The following COL16A1 variants were observed in gnomAD, a reference collection of about 807,000 sequenced individuals.
COL16A1 encodes the protein collagen type XVI alpha 1 chain.
In COL16A1, 189 loss-of-function variants were observed where a neutral mutation model predicts 266.3. That is an observed-to-expected ratio of 0.71 (90% confidence interval 0.63 to 0.80). The LOEUF is 0.80. COL16A1 is among the 30% of genes least tolerant of loss of function. The pLI is 0.00. For synonymous variants in COL16A1, 740 were observed against 782.3 expected, an observed-to-expected ratio of 0.95 and a Z score of 0.90; for missense variants, 1,928 against 2,122.4, an observed-to-expected ratio of 0.91 and a Z score of 1.80.
Position 31,656,396 on chromosome 1 carries a change from T to A in COL16A1, c.4101+4A>T. 6.2e-7 allele frequency: 1 copy of A among 1,613,404 alleles called. No homozygotes were observed. The highest frequency in any genetic ancestry group is 1.3e-5 in the African/African-American group (1 of 75,014). ...CCTCTCAAGCCCAGCCAGTGCCCACTCACCTTGGGACCAGGAGGTCCATAG... is the reference window on the plus strand; with the variant it reads ...CCTCTCAAGCCCAGCCAGTGCCCACACACCTTGGGACCAGGAGGTCCATAG... On this transcript the variant is annotated splice_donor_region_variant and intron_variant, in intron 66 of 70. Transcript: ENST00000373672. This position sits in a 1 kb window ranked among gnomAD's most constrained non-coding sequence, Gnocchi z 4.2.
chr1:31,673,752 G>A (rs888664656), intron 44 of COL16A1, among the ~76,000 whole-genome samples: 6 of 152,262 alleles, frequency 3.9e-5, no homozygotes, highest in Non-Finnish European at 7.3e-5. Context: ...CTGGATTGGC[G>A]TGGGCCTGTC....
intron 55 of COL16A1, 152 bp from the exon 56 acceptor site, chr1:31,665,386 G>A (rs1204679316): frequency 2.8e-6 from 4 of 1,408,724 alleles, no homozygotes; most frequent in Non-Finnish European, 2.9e-6. Flanking sequence ...TGCCTGGCCT[G>A]CTGGGCTGGG....
At chr1:31,694,054 T>C (rs951395502) in intron 12 of COL16A1, 90 bp downstream of exon 12, 4 of 1,282,446 alleles carry the variant, frequency 3.1e-6, no homozygotes, top group Admixed American at 1.9e-5. Context: ...GTGGCCCTGA[T>C]AGAAACACAC....
chr1:31,661,579 A>G lies in COL16A1; in HGVS notation c.3726+81T>C. ...AAAGTCATAACACGGTCCACGGAGGATCTGGATTTGAGCTGTTGCAGCCAC... is the reference window on the plus strand; with the variant it reads ...AAAGTCATAACACGGTCCACGGAGGGTCTGGATTTGAGCTGTTGCAGCCAC... On this transcript the variant is annotated intron_variant, in intron 59 of 70. Coordinates refer to ENST00000373672, the MANE Select transcript of COL16A1 (RefSeq NM_001856.4). 3.1e-6 allele frequency: 5 copies of G among 1,611,948 alleles called. 1 individual carries two copies. The South Asian group carries it at 5.5e-5, about 18-fold the overall frequency.
chr1:31,670,341 A>C lies in COL16A1; in HGVS notation c.3195+261T>G. The C allele has an allele frequency of 2.5e-6, 1 of 403,832 alleles. No homozygotes were observed. The highest frequency in any genetic ancestry group is 2.1e-5 in the African/African-American group (1 of 48,466). 25.0% of individuals were successfully genotyped at this position (403,832 alleles called of 1,614,324 possible). On this transcript the variant is annotated intron_variant, in intron 49 of 70. Coordinates refer to ENST00000373672, the MANE Select transcript of COL16A1 (RefSeq NM_001856.4). This position sits in a 1 kb window ranked among gnomAD's most constrained non-coding sequence, Gnocchi z 4.5. ...AGATGGTGCGAGAAATGGAGAAGGA[A>C]GACAGAACGGGGTAAGAGAGAGAAG...
At chr1:31,702,470 A>G (rs781781747) in intron 1 of COL16A1, among the ~76,000 whole-genome samples, 4 of 152,240 alleles carry the variant, frequency 2.6e-5, no homozygotes, top group Admixed American at 2.0e-4. Context: ...GGCAAAGCAG[A>G]AAGCTGCCTA....
In COL16A1 at chr1:31,699,799, A is replaced by G. The variant is rs1168121035; in HGVS notation, c.266+14T>C. On this transcript the variant is annotated intron_variant, in intron 4 of 70. Coordinates refer to ENST00000373672, the MANE Select transcript of COL16A1 (RefSeq NM_001856.4). ...GTCAGTGTTGATTCTCAGTGGTCACATGGATGCATTTACCGCGTGGGCTGG... is the reference window on the plus strand; with the variant it reads ...GTCAGTGTTGATTCTCAGTGGTCACGTGGATGCATTTACCGCGTGGGCTGG... 3 of 1,499,054 alleles carry G rather than the reference A, an allele frequency of 2.0e-6. No individual in the cohort carries two copies. The highest frequency in any genetic ancestry group is 3.4e-5 in the Admixed American group (2 of 59,664). The allele number at this position is 1,499,054 out of a possible 1,614,324, so 92.9% of individuals were successfully genotyped here.
At chr1:31,666,417 C>G (rs1453013299) in intron 52 of COL16A1, 7 of 329,354 alleles carry the variant, frequency 2.1e-5, no homozygotes, top group Non-Finnish European at 3.3e-5. Context: ...CACTTTCCAC[C>G]AACGCTGGTC....
chr1:31,703,186 T>C (rs997752592), intron 1 of COL16A1, among the ~76,000 whole-genome samples: 11 of 152,198 alleles, frequency 7.2e-5, no homozygotes, highest in African/African-American at 2.4e-4. Context: ...TATACCCACA[T>C]GCGCACAGCC....
Position 31,698,911 on chromosome 1 carries a change from T to C in COL16A1, c.267-305A>G, listed in dbSNP as rs1478202312. Among the ~76,000 whole-genome samples the C allele has an allele frequency of 6.6e-6, 1 of 152,026 alleles. No individual in the cohort carries two copies. The highest frequency in any genetic ancestry group is 1.9e-4 in the East Asian group (1 of 5,178). On this transcript the variant is annotated intron_variant, in intron 4 of 70. Coordinates refer to ENST00000373672, the MANE Select transcript of COL16A1 (RefSeq NM_001856.4). The surrounding 1 kb of genome is among the most constrained non-coding windows in gnomAD (Gnocchi z 4.1). ...GAGTTGGAGACCAGCCTGGGCAGCA[T>C]GGTGAAACACCGTCTCTACTAAAAA...
At chr1:31,676,433 CCT>C (rs1415232049) in intron 42 of COL16A1, among the ~76,000 whole-genome samples, 1 of 152,160 alleles carries the variant, frequency 6.6e-6, no homozygotes, top group Admixed American at 6.5e-5. Flanking sequence ...GCTTCTAACC[CCT>C]CTCTTAACCA....
Position 31,657,064 on chromosome 1 carries a change from T to G in COL16A1, c.4025A>C (p.Glu1342Ala), listed in dbSNP as rs1438346941. Residue 1342 changes from glutamate (E) to alanine (A), a missense_variant, in exon 65 of 71, where the codon GAA becomes GCA. Around this residue, in one of 2 missense-constraint regions of COL16A1, gnomAD observed 376 missense variants for 485.2 expected, o/e 0.77. Coordinates refer to ENST00000373672, the MANE Select transcript of COL16A1 (RefSeq NM_001856.4). This position sits in a 1 kb window ranked among gnomAD's most constrained non-coding sequence, Gnocchi z 6.4. ...GPPGHPGPPG[E>A]PGTDGAAGKE... ...GCCAGCTGCACCATCCGTACCAGGTTCGCCCTGGGGAGTAGAGAGCAATGG... is the reference window on the plus strand; with the variant it reads ...GCCAGCTGCACCATCCGTACCAGGTGCGCCCTGGGGAGTAGAGAGCAATGG... 1.2e-6 allele frequency: 2 copies of G among 1,613,922 alleles called. No individual in the cohort carries two copies. Among genetic ancestry groups the G allele is most frequent in the African/African-American group, 2.7e-5 (2 of 74,880 alleles).
chr1:31,655,223 A>T, intron 67 of COL16A1, 91 bp downstream of exon 67: 1 of 1,517,206 alleles, frequency 6.6e-7, no homozygotes, highest in Non-Finnish European at 8.8e-7. Flanking sequence ...TTCCCACAGA[A>T]TGTCAGCAGG....
Position 31,684,017 on chromosome 1 carries a change from G to A in COL16A1, c.2284-14C>T, listed in dbSNP as rs988741853. ...ACCGGGTTGGCCCTAAAAGGCATAA[G>A]GTGGCCCATGGAGTCCCCACAGGAG... is the stretch of plus-strand genomic sequence containing the variant. On this transcript the variant is annotated splice_polypyrimidine_tract_variant and intron_variant, in intron 32 of 70. Coordinates refer to ENST00000373672, the MANE Select transcript of COL16A1 (RefSeq NM_001856.4). The A allele has an allele frequency of 1.2e-6, 2 of 1,614,092 alleles. No homozygotes were observed. The highest frequency in any genetic ancestry group is 1.7e-6 in the Non-Finnish European group (2 of 1,180,042).
Position 31,690,671 on chromosome 1 carries a change from A to G in COL16A1, c.1438-98T>C, listed in dbSNP as rs1644223226. On this transcript the variant is annotated intron_variant, in intron 20 of 70. Transcript: ENST00000373672. ...CCGTGCCCCTCTGTGATGGCAGAAC[A>G]ATCGTTGCCAAATCTCTTGTTGCCA... 9.9e-6 allele frequency: 15 copies of G among 1,512,524 alleles called. No individual in the cohort carries two copies. The South Asian group carries it at 1.8e-4, about 19-fold the overall frequency. The allele number at this position is 1,512,524 out of a possible 1,614,324, so 93.7% of individuals were successfully genotyped here.
At chr1:31,686,979 G>A (rs1181857995) in intron 26 of COL16A1, among the ~76,000 whole-genome samples, 1 of 152,216 alleles carries the variant, frequency 6.6e-6, no homozygotes, top group East Asian at 1.9e-4. Flanking sequence ...GAAGGATGGG[G>A]GCTGGGGCAT....
At position 31,697,152 on chromosome 1, in the gene COL16A1, C is replaced by T. The variant is rs1436102115; in HGVS notation, c.739-64G>A. The T allele has an allele frequency of 2.5e-6, 4 of 1,612,480 alleles. No homozygotes were observed. The highest frequency in any genetic ancestry group is 2.7e-5 in the African/African-American group (2 of 74,872). On this transcript the variant is annotated intron_variant, in intron 7 of 70. Transcript: ENST00000373672. This position sits in a 1 kb window ranked among gnomAD's most constrained non-coding sequence, Gnocchi z 4.2. ...GCAGACTCCTCCTAAGACCTCCAGG[C>T]ATCACCTTCCAGACCCTCATCTCCA...
chr1:31,672,641 C>T lies in COL16A1; in HGVS notation c.2977-4G>A, dbSNP rs202246246. 4 of 1,605,380 alleles carry T rather than the reference C, an allele frequency of 2.5e-6. No homozygotes were observed. Among genetic ancestry groups the T allele is most frequent in the Non-Finnish European group, 3.4e-6 (4 of 1,174,926 alleles). On this transcript the variant is annotated splice_region_variant and splice_polypyrimidine_tract_variant and intron_variant, in intron 45 of 70. Coordinates refer to ENST00000373672, the MANE Select transcript of COL16A1 (RefSeq NM_001856.4). ...GGCGCTCCAGTGACAAAAAGCACTG[C>T]AAGGGACAATGAGAGGCACATTGTC... is the stretch of plus-strand genomic sequence containing the variant.
rs764451345 is a variant in COL16A1, at chr1:31,652,717, GCAGT to G, written c.4745_4748del (p.Asp1582AlafsTer14). The G allele has an allele frequency of 1.9e-6, 3 of 1,607,914 alleles. No individual in the cohort carries two copies. The highest frequency in any genetic ancestry group is 2.5e-6 in the Non-Finnish European group (3 of 1,178,318). On this transcript the variant is annotated frameshift_variant, in exon 71 of 71. Coordinates refer to ENST00000373672, the MANE Select transcript of COL16A1 (RefSeq NM_001856.4). LOFTEE classifies it high-confidence loss of function. This position sits in a 1 kb window ranked among gnomAD's most constrained non-coding sequence, Gnocchi z 4.8. The stretch of plus-strand genomic sequence containing the variant: ...GCTGCTCCATCGGCATGGCCCCAAA[GCAGT>G]CAGAGGGATTACAGTGGCCAGCCTT...
Sources: allele counts gnomAD v4.1 joint callset (sites outside exome capture counted in the v4.1 genomes callset), GRCh38; gene constraint gnomAD v4.1.1; regional missense constraint gnomAD v4.1.1; non-coding constraint Gnocchi (gnomAD v3.1); transcripts MANE v1.5; gene names NCBI Gene and HGNC (gene_info 2026-07-23, HGNC 2026-07-21).